The following C20orf203 variants were observed in gnomAD, a reference collection of about 807,000 sequenced individuals.
C20orf203 encodes the protein chromosome 20 open reading frame 203, also known as uncharacterized protein C20orf203.
Under a neutral mutation model 15.9 loss-of-function variants are expected in C20orf203, and 16 were observed. That is an observed-to-expected ratio of 1.01 (90% CI 0.68 to 1.53). The LOEUF (loss-of-function observed/expected upper bound fraction) is 1.53. Ranked by LOEUF, C20orf203 falls within the 40% of genes most tolerant of loss-of-function variation. The pLI, the probability that C20orf203 is intolerant of heterozygous loss-of-function variation, is 0.00. For synonymous variants in C20orf203, 98 were observed against 97.2 expected, an observed-to-expected ratio of 1.01 and a Z score of -0.05; for missense variants, 263 against 247.5, an observed-to-expected ratio of 1.06 and a Z score of -0.42.
chr20:32,644,354 A>C (rs749849469), intron 4 of C20orf203, among the ~76,000 whole-genome samples: 2 of 152,192 alleles, frequency 1.3e-5, no homozygotes, highest in Non-Finnish European at 2.9e-5. Flanking sequence ...AGGCTGAGGC[A>C]GGAGAATTGC....
At chr20:32,647,403 A>T (rs958707406) in intron 4 of C20orf203, among the ~76,000 whole-genome samples, 1 of 147,774 alleles carries the variant, frequency 6.8e-6, no homozygotes, top group Non-Finnish European at 1.5e-5. Context: ...CTCAAAAAAA[A>T]AAAAAAAAGA....
intron 4 of C20orf203, among the ~76,000 whole-genome samples, chr20:32,648,943 G>A (rs1024458297): frequency 4.6e-5 from 7 of 152,104 alleles, no homozygotes; most frequent in South Asian, 2.1e-4. Context: ...GCTTTACTCC[G>A]GTGAAACTGT....
intron 1 of C20orf203, among the ~76,000 whole-genome samples, chr20:32,669,920 G>A (rs1048894745): frequency 2.0e-5 from 3 of 152,192 alleles, no homozygotes; most frequent in South Asian, 2.1e-4. Context: ...GTTAATATCC[G>A]GCCGGGCACA....
intron 4 of C20orf203, among the ~76,000 whole-genome samples, chr20:32,644,273 C>A (rs1057074255): frequency 6.6e-6 from 1 of 152,108 alleles, no homozygotes; most frequent in Admixed American, 6.6e-5. Flanking sequence ...CACGGTGAAA[C>A]CCTGTCTCTA....
At chr20:32,659,335 G>A (rs762785638) in intron 1 of C20orf203, among the ~76,000 whole-genome samples, 1 of 152,216 alleles carries the variant, frequency 6.6e-6, no homozygotes, top group Non-Finnish European at 1.5e-5. Flanking sequence ...TGGGCAGGAG[G>A]CCTGGGGCTA....
Position 32,634,099 on chromosome 20 carries a change from G to A in C20orf203, c.*1471C>T, listed in dbSNP as rs1388718322. On this transcript the variant is annotated 3_prime_UTR_variant, in exon 6 of 6. Transcript: ENST00000608990. ...AATCCAGCCTGAGCTTTGTCCTTGGGGGACACAGAAAACAACAAAGAAATG... is the reference window on the plus strand; with the variant it reads ...AATCCAGCCTGAGCTTTGTCCTTGGAGGACACAGAAAACAACAAAGAAATG... 5 of 398,534 alleles carry A rather than the reference G, an allele frequency of 1.3e-5. No individual in the cohort carries two copies. In the Admixed American group the frequency reaches 2.2e-4, roughly 18 times the overall value. 24.7% of individuals were successfully genotyped at this position (398,534 alleles called of 1,614,324 possible).
intron 1 of C20orf203, among the ~76,000 whole-genome samples, chr20:32,673,319 G>A (rs553801048): frequency 1.3e-5 from 2 of 152,272 alleles, no homozygotes; most frequent in South Asian, 2.1e-4. Context: ...CCTCAAGACT[G>A]GCCGGAGGTG....
intron 1 of C20orf203, among the ~76,000 whole-genome samples, chr20:32,664,430 A>G (rs553878121): frequency 1.3e-5 from 2 of 152,288 alleles, no homozygotes; most frequent in East Asian, 3.9e-4. Context: ...GTTTAAGAAC[A>G]CTGCCCTCAC....
chr20:32,638,826 G>C (rs911523623), intron 5 of C20orf203, among the ~76,000 whole-genome samples: 1 of 152,192 alleles, frequency 6.6e-6, no homozygotes, highest in Non-Finnish European at 1.5e-5. Context: ...AGAAAGGGGG[G>C]GCGGGCAGCA....
intron 1 of C20orf203, among the ~76,000 whole-genome samples, chr20:32,670,113 G>A (rs1024546296): frequency 1.3e-5 from 2 of 152,224 alleles, no homozygotes; most frequent in Non-Finnish European, 2.9e-5. Context: ...AGGAGGCTGA[G>A]GCAGGAGAAT....
chr20:32,645,465 T>TG (rs1007522462), intron 4 of C20orf203, among the ~76,000 whole-genome samples: 11 of 152,244 alleles, frequency 7.2e-5, no homozygotes, highest in African/African-American at 2.6e-4. Context: ...CCTGCCCCCC[T>TG]GGGGGGATAT....
intron 4 of C20orf203, among the ~76,000 whole-genome samples, chr20:32,646,860 G>C (rs1221217666): frequency 6.6e-6 from 1 of 152,240 alleles, no homozygotes; most frequent in Admixed American, 6.5e-5. Flanking sequence ...GCCCAGGCCA[G>C]CTCCTACCAC....
At chr20:32,634,805 T>C (rs1026740388) in intron 5 of C20orf203, among the ~76,000 whole-genome samples, 1 of 150,400 alleles carries the variant, frequency 6.6e-6, no homozygotes, top group Non-Finnish European at 1.5e-5. Flanking sequence ...TACATATGCA[T>C]ATATATATAT....
intron 1 of C20orf203, among the ~76,000 whole-genome samples, chr20:32,663,531 A>G (rs1982946838): frequency 6.6e-6 from 1 of 152,222 alleles, no homozygotes; most frequent in Non-Finnish European, 1.5e-5. Flanking sequence ...AGAGAAATGT[A>G]ACAAAATAGC....
At chr20:32,672,020 T>C (rs1225783541) in intron 1 of C20orf203, among the ~76,000 whole-genome samples, 1 of 150,780 alleles carries the variant, frequency 6.6e-6, no homozygotes, top group Admixed American at 6.6e-5. Flanking sequence ...TAGCGTGCAC[T>C]TAAAAATTTA....
chr20:32,671,240 T>C (rs1174475973), intron 1 of C20orf203, among the ~76,000 whole-genome samples: 2 of 152,234 alleles, frequency 1.3e-5, no homozygotes, highest in African/African-American at 4.8e-5. Context: ...CCCATATTGA[T>C]TGCATCATTA....
At chr20:32,670,360 G>C (rs898261861) in intron 1 of C20orf203, among the ~76,000 whole-genome samples, 7 of 151,346 alleles carry the variant, frequency 4.6e-5, no homozygotes. Flanking sequence ...ACAAAAATTA[G>C]CCAGGTGTGG....
rs1982075281 is a variant in C20orf203, at chr20:32,634,139, G to C, written c.*1431C>G. 5.0e-6 allele frequency: 2 copies of C among 398,626 alleles called. No individual in the cohort carries two copies. Among genetic ancestry groups the C allele is most frequent in the Non-Finnish European group, 8.8e-6 (2 of 226,106 alleles). 24.7% of individuals were successfully genotyped at this position (398,626 alleles called of 1,614,324 possible). ...ACAAAGAAATGGCACTTGTTACCCAGAGACCCAGAGAGATGCAGCTCTGAT... is the reference window on the plus strand; with the variant it reads ...ACAAAGAAATGGCACTTGTTACCCACAGACCCAGAGAGATGCAGCTCTGAT... On this transcript the variant is annotated 3_prime_UTR_variant, in exon 6 of 6. Coordinates refer to ENST00000608990, the MANE Select transcript of C20orf203 (RefSeq NM_182584.4).
chr20:32,652,322 C>CAA (rs11483593), intron 1 of C20orf203, among the ~76,000 whole-genome samples: 4,737 of 18,182 alleles, frequency 0.26, 1,171 homozygotes, highest in Non-Finnish European at 0.38. Flanking sequence ...GACTCCATCT[C>CAA]AAAAAAAAAA....
Sources: allele counts gnomAD v4.1 joint callset (sites outside exome capture counted in the v4.1 genomes callset), GRCh38; gene constraint gnomAD v4.1.1; transcripts MANE v1.5; gene names NCBI Gene and HGNC (gene_info 2026-07-23, HGNC 2026-07-21).